RELN: variants seen among roughly 807,000 people sequenced by gnomAD.
The protein encoded by RELN is reelin.
In RELN, 108 loss-of-function variants were observed where a neutral mutation model predicts 427.6. That is an observed-to-expected ratio of 0.25 (90% CI 0.22 to 0.30). RELN has a LOEUF of 0.30. Ranked by LOEUF, RELN falls within the 10% of genes least tolerant of loss-of-function variation. RELN has a pLI of 1.00. For missense variants in RELN, 3,715 were observed against 4,302.8 expected, an observed-to-expected ratio of 0.86 and a Z score of 3.82; for synonymous variants, 1,524 against 1,513.4, an observed-to-expected ratio of 1.01 and a Z score of -0.16.
At chr7:103,945,465 G>A (rs1291154321) in intron 1 of RELN, among the ~76,000 whole-genome samples, 1 of 151,970 alleles carries the variant, frequency 6.6e-6, no homozygotes, top group African/African-American at 2.4e-5. Flanking sequence ...ACCCCCTACC[G>A]AAGACAGACG....
intron 4 of RELN, 149 bp downstream of exon 4, chr7:103,776,408 A>G: frequency 1.3e-6 from 1 of 751,608 alleles, no homozygotes; most frequent in Non-Finnish European, 2.3e-6. Context: ...TAATTACTAA[A>G]TAACTATTAG....
chr7:103,822,538 A>G (rs1004453895), intron 3 of RELN, among the ~76,000 whole-genome samples: 2 of 152,112 alleles, frequency 1.3e-5, no homozygotes, highest in East Asian at 1.9e-4. Flanking sequence ...CTCTAATTCT[A>G]TAACATAATC....
At chr7:103,682,842 G>A (rs1175728855) in intron 10 of RELN, among the ~76,000 whole-genome samples, 2 of 152,098 alleles carry the variant, frequency 1.3e-5, no homozygotes, top group Non-Finnish European at 2.9e-5. Flanking sequence ...TATCCCAAAT[G>A]AGGAACTGGG....
At chr7:103,753,275 T>C (rs1791052994) in intron 4 of RELN, 61 bp from the exon 5 acceptor site, 6 of 1,549,168 alleles carry the variant, frequency 3.9e-6, no homozygotes, top group South Asian at 2.2e-5. Context: ...AATCCAGTAA[T>C]AAAGAGTCAC....
intron 27 of RELN, among the ~76,000 whole-genome samples, chr7:103,590,585 T>A (rs1288242771): frequency 6.6e-6 from 1 of 150,568 alleles, no homozygotes; most frequent in African/African-American, 2.4e-5. Flanking sequence ...AATAAATAAA[T>A]AAATAAATAA....
intron 2 of RELN, among the ~76,000 whole-genome samples, chr7:103,837,727 G>A (rs1465586442): frequency 2.0e-5 from 3 of 152,094 alleles, no homozygotes; most frequent in African/African-American, 7.2e-5. Flanking sequence ...TTGGACAGAT[G>A]TCCTCCCTCT....
chr7:103,763,850 G>A (rs1243778724), intron 4 of RELN, among the ~76,000 whole-genome samples: 1 of 151,860 alleles, frequency 6.6e-6, no homozygotes, highest in Admixed American at 6.6e-5. Context: ...CAGTTATAGG[G>A]TTTGAGGCCA....
At chr7:103,971,823 A>G (rs1057089589) in intron 1 of RELN, among the ~76,000 whole-genome samples, 1 of 148,020 alleles carries the variant, frequency 6.8e-6, no homozygotes, top group Non-Finnish European at 1.5e-5. Context: ...CTGTAATCCC[A>G]GCACTTTGGG....
At chr7:103,630,860 G>GTTTTTTTT (rs1224190919) in intron 19 of RELN, among the ~76,000 whole-genome samples, 5 of 134,506 alleles carry the variant, frequency 3.7e-5, no homozygotes, top group Non-Finnish European at 4.7e-5. Context: ...TGTTTTTTTT[G>GTTTTTTTT]TTTTTTTTTT....
At chr7:103,701,851 T>C (rs754005767) in intron 8 of RELN, among the ~76,000 whole-genome samples, 1 of 152,196 alleles carries the variant, frequency 6.6e-6, no homozygotes, top group Non-Finnish European at 1.5e-5. Context: ...GTGCAATTTA[T>C]GTTTAACTTT....
intron 2 of RELN, among the ~76,000 whole-genome samples, chr7:103,914,164 G>C (rs1399275667): frequency 6.6e-6 from 1 of 152,146 alleles, no homozygotes; most frequent in South Asian, 2.1e-4. Flanking sequence ...TAAATAATTT[G>C]TAACAATTTT....
chr7:103,600,158 A>C (rs1831631544), intron 24 of RELN, among the ~76,000 whole-genome samples: 1 of 152,136 alleles, frequency 6.6e-6, no homozygotes, highest in Non-Finnish European at 1.5e-5. Context: ...CAGCCTCACA[A>C]AGTGCTAGAA....
chr7:103,745,445 G>T (rs1790795276), intron 6 of RELN, among the ~76,000 whole-genome samples: 5 of 148,408 alleles, frequency 3.4e-5, no homozygotes, highest in Admixed American at 3.3e-4. Flanking sequence ...GAAATAAAGG[G>T]TATTCAATTA....
At chr7:103,507,774 G>T (rs1198780758) in intron 51 of RELN, among the ~76,000 whole-genome samples, 2 of 152,064 alleles carry the variant, frequency 1.3e-5, no homozygotes, top group Admixed American at 6.6e-5. Context: ...CAACAAAAGA[G>T]ATGGACCACT....
chr7:103,523,381 A>C lies in RELN; in HGVS notation c.7490+10T>G, dbSNP rs1584262784. On this transcript the variant is annotated intron_variant, in intron 47 of 64. Coordinates refer to ENST00000428762, the MANE Select transcript of RELN (RefSeq NM_005045.4). ...AGCTTTCAACAGAAGGAAGAAAAAAACCGACTTACACGCAGTTTCCCTGGA... is the reference window on the plus strand; with the variant it reads ...AGCTTTCAACAGAAGGAAGAAAAAACCCGACTTACACGCAGTTTCCCTGGA... The C allele has an allele frequency of 1.2e-6, 2 of 1,614,084 alleles. No homozygotes were observed.
At chr7:103,930,733 A>C (rs563914084) in intron 1 of RELN, among the ~76,000 whole-genome samples, 16 of 151,982 alleles carry the variant, frequency 1.1e-4, no homozygotes, top group Non-Finnish European at 2.2e-4. Flanking sequence ...TCCCCAAAGT[A>C]CTGGGATTAT....
intron 63 of RELN, 159 bp downstream of exon 63, chr7:103,482,714 T>A (rs1828285100): frequency 1.1e-6 from 1 of 936,868 alleles, no homozygotes; most frequent in African/African-American, 1.8e-5. Context: ...CACTGATGAT[T>A]TGAGCTATAG....
At chr7:103,489,431 T>C (rs113749853) in intron 60 of RELN, among the ~76,000 whole-genome samples, 1 of 152,274 alleles carries the variant, frequency 6.6e-6, no homozygotes, top group African/African-American at 2.4e-5. Context: ...GGGAGTTATA[T>C]GAAAGACAGA....
At chr7:103,552,303 C>T (rs1256997978) in intron 40 of RELN, among the ~76,000 whole-genome samples, 2 of 152,104 alleles carry the variant, frequency 1.3e-5, no homozygotes, top group Non-Finnish European at 1.5e-5. Context: ...TACTATCATG[C>T]CATCAAAGCA....
Sources: gnomAD v4.1 joint callset for allele counts (sites outside exome capture counted in the v4.1 genomes callset) on GRCh38, gnomAD v4.1.1 for gene constraint, MANE v1.5 for transcripts, NCBI Gene and HGNC (gene_info 2026-07-23, HGNC 2026-07-21) for gene names.